Variants in ABCA8 observed in about 807,000 individuals in gnomAD.
ABCA8 encodes ATP binding cassette subfamily A member 8.
In ABCA8, 177 loss-of-function variants were observed where a neutral mutation model predicts 192.3. The observed-to-expected ratio is 0.92, with a 90% confidence interval of 0.81 to 1.04. ABCA8 has a LOEUF of 1.04. Ranked by LOEUF, ABCA8 falls within the 50% of genes least tolerant of loss-of-function variation. The pLI, the probability that ABCA8 is intolerant of heterozygous loss-of-function variation, is 0.00. For missense variants in ABCA8, 1,915 were observed against 1,904.8 expected (o/e 1.01, Z -0.10); for synonymous variants, 642 against 690.2 (o/e 0.93, Z 1.09).
Position 68,883,802 on chromosome 17 carries a change from A to T in ABCA8, c.3696T>A (p.Asp1232Glu). The change falls in exon 29 of 40, where the codon GAT (aspartate) becomes GAA (glutamate). Residue 1232 changes from aspartate (D) to glutamate (E), a missense_variant. Physicochemically the swap from Asp to Glu is conservative, Grantham distance 45 (BLOSUM62 2). Coordinates refer to ENST00000586539, the MANE Select transcript of ABCA8 (RefSeq NM_001288985.2). ...WKFGKKSMRK[D>E]PFFRISPRSS... ...GTGTTTTTTCCAACCTAAAGAAAGG[A>T]TCCTTTCTCATTGATTTCTTTCCAA... 1 of 1,585,656 alleles carries T rather than the reference A, an allele frequency of 6.3e-7. No individual in the cohort carries two copies. Among genetic ancestry groups the T allele is most frequent in the Non-Finnish European group, 8.6e-7 (1 of 1,167,304 alleles).
intron 21 of ABCA8, among the ~76,000 whole-genome samples, chr17:68,895,916 G>A (rs984528359): frequency 1.3e-5 from 2 of 152,070 alleles, no homozygotes; most frequent in East Asian, 1.9e-4. Flanking sequence ...CCCATCTCAC[G>A]TGTAGGGCAG....
chr17:68,944,324 A>G (rs2068324640), intron 2 of ABCA8, among the ~76,000 whole-genome samples: 1 of 48,534 alleles, frequency 2.1e-5, no homozygotes, highest in Non-Finnish European at 3.7e-5. Flanking sequence ...AGTTATATAT[A>G]TATATATATA....
intron 21 of ABCA8, among the ~76,000 whole-genome samples, chr17:68,900,278 T>C (rs995750184): frequency 6.6e-6 from 1 of 151,894 alleles, no homozygotes; most frequent in Non-Finnish European, 1.5e-5. Flanking sequence ...TGAATACCAG[T>C]CTTACAGATT....
At chr17:68,930,010 T>C (rs1453445171) in intron 7 of ABCA8, among the ~76,000 whole-genome samples, 1 of 151,894 alleles carries the variant, frequency 6.6e-6, no homozygotes, top group African/African-American at 2.4e-5. Context: ...AGGTTTCCAG[T>C]GTAATAGATT....
chr17:68,904,299 AT>A (rs2067004939), intron 19 of ABCA8, among the ~76,000 whole-genome samples: 1 of 7,130 alleles, frequency 1.4e-4, no homozygotes, highest in Non-Finnish European at 2.8e-4. Flanking sequence ...AGAAATAATA[AT>A]AATAATAATA....
rs1215516900 is a variant in ABCA8 at position 68,885,205 on chromosome 17, TAAG to T, written c.3537_3539del (p.Phe1179del). The stretch of plus-strand genomic sequence containing the variant: ...CTGTGTCATTACTTACATGAGAAGA[TAAG>T]AACAAACAGCCAATCATTGTGGCAG... On this transcript the variant is annotated inframe_deletion, in exon 27 of 40. Transcript: ENST00000586539. 6.2e-7 allele frequency: 1 copy of T among 1,613,070 alleles called. No homozygotes were observed. Among genetic ancestry groups the T allele is most frequent in the Admixed American group, 1.7e-5 (1 of 59,908 alleles).
rs34377045 is a variant in ABCA8 at position 68,918,930 on chromosome 17, C to CAAAA, written c.1788+367_1788+370dup. 1.4e-3 allele frequency among the ~76,000 whole-genome samples: 62 copies of CAAAA among 45,896 alleles called. 5 individuals are homozygous for CAAAA. Among genetic ancestry groups the CAAAA allele is most frequent in the African/African-American group, 4.2e-3 (54 of 13,006 alleles). 30.1% of individuals were successfully genotyped at this position (45,896 alleles called of 152,430 possible). ...GGGCGACAAGAGCAAAACTCTGTCT[C>CAAAA]AAAAAAAAAAAAAAAAAAAAAAAAA... is the stretch of plus-strand genomic sequence containing the variant. On this transcript the variant is annotated intron_variant, in intron 14 of 39. Transcript: ENST00000586539.
intron 20 of ABCA8, 37 bp from the exon 21 acceptor site, chr17:68,902,916 C>T: frequency 1.3e-6 from 2 of 1,563,460 alleles, no homozygotes; most frequent in Non-Finnish European, 1.7e-6. Context: ...AATGCAATGT[C>T]ATTTCCTGAT....
chr17:68,922,553 G>A (rs1226435114), intron 11 of ABCA8, among the ~76,000 whole-genome samples: 2 of 151,936 alleles, frequency 1.3e-5, no homozygotes, highest in Admixed American at 6.6e-5. Context: ...CATAAGCAAA[G>A]GTTCCATAGA....
chr17:68,893,721 C>CTTTTTTTTTTTTTTTTTTTCTTTTTTT (rs5821690), intron 23 of ABCA8, among the ~76,000 whole-genome samples: 5 of 127,696 alleles, frequency 3.9e-5, no homozygotes, highest in Non-Finnish European at 8.1e-5. Flanking sequence ...TTCATATTCT[C>CTTTTTTTTTTTTTTTTTTTCTTTTTTT]TTTTTTTTTT....
rs762105808 is a variant in ABCA8, at chr17:68,875,741, G to A, written c.4371-8C>T. 2.5e-6 allele frequency: 4 copies of A among 1,603,514 alleles called. No homozygotes were observed. In the Admixed American group the frequency reaches 7.1e-5, roughly 28 times the overall value. ...GTGGCCCGGATGGCCTGCCTATAATGTCAAGAGATTATTTGCAATTTAGGA... is the reference window on the plus strand; with the variant it reads ...GTGGCCCGGATGGCCTGCCTATAATATCAAGAGATTATTTGCAATTTAGGA... On this transcript the variant is annotated splice_polypyrimidine_tract_variant and splice_region_variant and intron_variant, in intron 35 of 39. Transcript: ENST00000586539.
At position 68,887,501 on chromosome 17, in the gene ABCA8, T is replaced by C. The variant is rs778828834; in HGVS notation, c.3150A>G (p.Arg1050=). 1.9e-6 allele frequency: 3 copies of C among 1,607,270 alleles called. No individual in the cohort carries two copies. Among genetic ancestry groups the C allele is most frequent in the Non-Finnish European group, 1.7e-6 (2 of 1,178,020 alleles). Residue 1050 remains arginine (R), a synonymous_variant, in exon 25 of 40, where the codon AGA becomes AGG. Coordinates refer to ENST00000586539, the MANE Select transcript of ABCA8 (RefSeq NM_001288985.2). The part of the protein sequence containing the change: ...AMSSIDDYKN[R]ARSQLRISGL... ...CGGAAATCCGTAGCTGGGACCGAGC[T>C]CTGTTCTAATTAGGAGACAGCAAAG...
intron 16 of ABCA8, 43 bp downstream of exon 16, chr17:68,918,004 C>G: frequency 1.2e-6 from 2 of 1,607,902 alleles, no homozygotes; most frequent in Non-Finnish European, 1.7e-6. Flanking sequence ...TTTTAGATCT[C>G]TTAAAGTCCT....
At chr17:68,889,749 AGATT>A (rs1025670328) in intron 24 of ABCA8, among the ~76,000 whole-genome samples, 2 of 152,154 alleles carry the variant, frequency 1.3e-5, no homozygotes, top group Non-Finnish European at 2.9e-5. Flanking sequence ...CTGTCACTAT[AGATT>A]AATTTTACCT....
intron 23 of ABCA8, chr17:68,893,971 T>C (rs867208563): frequency 8.2e-6 from 4 of 489,244 alleles, no homozygotes; most frequent in Admixed American, 3.1e-5. Context: ...GAAAAATGTT[T>C]TGTTCATTTT....
intron 30 of ABCA8, among the ~76,000 whole-genome samples, chr17:68,882,281 A>G (rs2066354604): frequency 1.3e-5 from 2 of 152,172 alleles, no homozygotes; most frequent in Non-Finnish European, 2.9e-5. Context: ...ATTATCCTCA[A>G]ACAACAAAAC....
chr17:68,881,305 T>C (rs2066329189), intron 31 of ABCA8, 94 bp from the exon 32 acceptor site: 2 of 896,504 alleles, frequency 2.2e-6, no homozygotes, highest in Admixed American at 4.6e-5. Context: ...AAGCATTTGC[T>C]ATTAGTTGTC....
In ABCA8 at chr17:68,936,962, T is replaced by C. The variant is rs745828479; in HGVS notation, c.455A>G (p.Lys152Arg). The change falls in exon 5 of 40, where the codon AAG becomes AGG. Residue 152 changes from lysine (K) to arginine (R), a missense_variant. Lys to Arg is a conservative substitution (Grantham distance 26). Coordinates refer to ENST00000586539, the MANE Select transcript of ABCA8 (RefSeq NM_001288985.2). The part of the protein sequence containing the change: ...GHGMPAKKEH[K>R]DHTAHCYETN... The stretch of plus-strand genomic sequence containing the variant: ...AGCCATAAAATTACCTGTATGGTCC[T>C]TGTGCTCCTTCTTTGCTGGCATTCC... The C allele has an allele frequency of 1.9e-6, 3 of 1,600,914 alleles. No individual in the cohort carries two copies. The East Asian group carries it at 6.8e-5, about 36-fold the overall frequency.
At chr17:68,946,441 T>C (rs1221759037) in intron 2 of ABCA8, among the ~76,000 whole-genome samples, 4 of 152,184 alleles carry the variant, frequency 2.6e-5, no homozygotes, top group Non-Finnish European at 5.9e-5. Flanking sequence ...TAAGATTGCT[T>C]CCTAGTCAAT....
Sources: gnomAD v4.1 joint callset for allele counts (sites outside exome capture counted in the v4.1 genomes callset) on GRCh38, gnomAD v4.1.1 for gene constraint, MANE v1.5 for transcripts, NCBI Gene and HGNC (gene_info 2026-07-23, HGNC 2026-07-21) for gene names.